The following SOX6 variants were observed in gnomAD, a reference collection of about 807,000 sequenced individuals.
The protein encoded by SOX6 is SRY-box transcription factor 6.
A neutral mutation model predicts 97.8 loss-of-function variants in SOX6; 11 were observed. That is an observed-to-expected ratio of 0.11 (90% CI 0.07 to 0.19). SOX6 has a LOEUF of 0.19. SOX6 is among the 10% of genes least tolerant of loss of function. The pLI, the probability that SOX6 is intolerant of heterozygous loss-of-function variation, is 1.00. For synonymous variants in SOX6, 360 were observed against 371.4 expected (o/e 0.97, Z 0.35); for missense variants, 810 against 1,039.5 (o/e 0.78, Z 3.04).
intron 4 of SOX6, among the ~76,000 whole-genome samples, chr11:16,609,024 G>T (rs978797593): frequency 1.3e-5 from 2 of 152,166 alleles, no homozygotes; most frequent in African/African-American, 4.8e-5. Context: ...TTCCCTTTGA[G>T]TCATGTGTAG....
intron 3 of SOX6, among the ~76,000 whole-genome samples, chr11:16,280,201 G>A (rs1347007014): frequency 1.3e-5 from 2 of 152,048 alleles, no homozygotes; most frequent in African/African-American, 4.8e-5. Context: ...CGAAAATGCA[G>A]ATACAGTAAT....
intron 4 of SOX6, among the ~76,000 whole-genome samples, chr11:16,586,833 G>A (rs1321370424): frequency 6.6e-6 from 1 of 152,254 alleles, no homozygotes. Flanking sequence ...GAAGCTCATA[G>A]AAGTACAGAC....
At chr11:16,343,096 T>C (rs1856681967) in intron 1 of SOX6, among the ~76,000 whole-genome samples, 1 of 151,718 alleles carries the variant, frequency 6.6e-6, no homozygotes, top group African/African-American at 2.4e-5. Context: ...TGGTAGCCAA[T>C]GGATGCTTCT....
At chr11:16,159,807 A>G (rs1290315080) in intron 6 of SOX6, among the ~76,000 whole-genome samples, 1 of 152,186 alleles carries the variant, frequency 6.6e-6, no homozygotes, top group Non-Finnish European at 1.5e-5. Flanking sequence ...ATAAAAATCT[A>G]CTTAATGCAA....
chr11:16,055,162 A>C (rs578147489), intron 10 of SOX6, among the ~76,000 whole-genome samples: 17 of 152,256 alleles, frequency 1.1e-4, no homozygotes, highest in Admixed American at 9.2e-4. Flanking sequence ...AAGACTTTTC[A>C]TATTTATGAT....
intron 7 of SOX6, among the ~76,000 whole-genome samples, chr11:16,109,240 G>T (rs1457826489): frequency 6.6e-6 from 1 of 151,866 alleles, no homozygotes; most frequent in African/African-American, 2.4e-5. Context: ...TCACTCTGCT[G>T]CTAAGACTGG....
intron 4 of SOX6, among the ~76,000 whole-genome samples, chr11:16,555,934 T>C (rs544104171): frequency 6.6e-6 from 1 of 151,806 alleles, no homozygotes; most frequent in South Asian, 2.1e-4. Flanking sequence ...TCTTGACATC[T>C]TGATTGGAAA....
At chr11:16,429,007 A>G (rs1859216049) in intron 1 of SOX6, among the ~76,000 whole-genome samples, 1 of 152,048 alleles carries the variant, frequency 6.6e-6, no homozygotes, top group Non-Finnish European at 1.5e-5. Context: ...TTCATTGAGC[A>G]GTGGTTCTCC....
intron 1 of SOX6, among the ~76,000 whole-genome samples, chr11:16,415,865 G>T (rs1030874919): frequency 1.3e-5 from 2 of 152,130 alleles, no homozygotes; most frequent in Non-Finnish European, 2.9e-5. Flanking sequence ...CCTCCTGAGT[G>T]TATCGATTCC....
At chr11:16,340,874 G>T (rs988075464) in intron 2 of SOX6, 138 bp downstream of exon 2, 40 of 1,204,714 alleles carry the variant, frequency 3.3e-5, no homozygotes, top group Non-Finnish European at 4.0e-5. Flanking sequence ...TAGTATCTTA[G>T]TAATATGTAC....
chr11:16,371,633 C>T (rs78193621), intron 1 of SOX6, among the ~76,000 whole-genome samples: 3,670 of 152,060 alleles, frequency 0.024, 138 homozygotes, highest in African/African-American at 0.084. Context: ...AACTCCAAAG[C>T]GCCAAAGAAT....
At chr11:16,716,369 A>G (rs1050665286) in intron 2 of SOX6, among the ~76,000 whole-genome samples, 5 of 152,136 alleles carry the variant, frequency 3.3e-5, no homozygotes, top group African/African-American at 1.2e-4. Context: ...CATAGAGAGA[A>G]CCCATCTCTT....
intron 3 of SOX6, among the ~76,000 whole-genome samples, chr11:16,679,451 C>T (rs143470217): frequency 1.3e-5 from 2 of 152,108 alleles, no homozygotes; most frequent in African/African-American, 2.4e-5. Flanking sequence ...ACACCAAAAC[C>T]CCACTGTAGG....
intron 1 of SOX6, among the ~76,000 whole-genome samples, chr11:16,453,215 T>A (rs12805370): frequency 0.27 from 40,967 of 152,068 alleles, 7,107 homozygotes; most frequent in Non-Finnish European, 0.38. Context: ...AATACCATCA[T>A]CAACTGTACA....
intron 1 of SOX6, among the ~76,000 whole-genome samples, chr11:16,443,434 G>T (rs947079003): frequency 6.6e-6 from 1 of 152,112 alleles, no homozygotes; most frequent in African/African-American, 2.4e-5. Flanking sequence ...TCTGCATTTT[G>T]ATTTAATAAT....
At chr11:16,522,148 C>T (rs1191759788) in intron 4 of SOX6, among the ~76,000 whole-genome samples, 2 of 152,074 alleles carry the variant, frequency 1.3e-5, no homozygotes, top group East Asian at 3.9e-4. Flanking sequence ...AGATACTCCT[C>T]AAGAAGAGCA....
chr11:16,128,045 GT>G (rs1234426385), intron 6 of SOX6, among the ~76,000 whole-genome samples: 2 of 152,108 alleles, frequency 1.3e-5, no homozygotes, highest in Non-Finnish European at 2.9e-5. Context: ...GTGCTTTAAT[GT>G]CCTATATCCC....
intron 2 of SOX6, among the ~76,000 whole-genome samples, chr11:16,716,190 T>C (rs2134050733): frequency 6.6e-6 from 1 of 152,206 alleles, no homozygotes; most frequent in Non-Finnish European, 1.5e-5. Flanking sequence ...GAACTGACAC[T>C]GTGCCACTGC....
rs554859209 is a variant in SOX6 at position 16,331,290 on chromosome 11, T to C, written c.237+9722A>G. On this transcript the variant is annotated intron_variant, in intron 2 of 15. Transcript: ENST00000683767. ...CTCACAAATCCTAACATTAAAAGTA[T>C]CAGAGCCCAATCAAGGTTTGTCAAA... Among the ~76,000 whole-genome samples the C allele has an allele frequency of 1.3e-3, 203 of 152,318 alleles. 1 individual carries two copies. In the Middle Eastern group the frequency reaches 0.014, roughly 10 times the overall value.
Sources: gnomAD v4.1 joint callset for allele counts (sites outside exome capture counted in the v4.1 genomes callset) on GRCh38, gnomAD v4.1.1 for gene constraint, MANE v1.5 for transcripts, NCBI Gene and HGNC (gene_info 2026-07-23, HGNC 2026-07-21) for gene names.